ASTN2: variants seen among roughly 807,000 people sequenced by gnomAD.
ASTN2 encodes astrotactin-2.
Under a neutral mutation model 139.8 loss-of-function variants are expected in ASTN2, and 54 were observed. The observed-to-expected ratio is 0.39, with a 90% CI of 0.31 to 0.48. The LOEUF (loss-of-function observed/expected upper bound fraction) is 0.48, where lower values mean the gene tolerates loss of function less well. Ranked by LOEUF, ASTN2 falls within the 20% of genes least tolerant of loss-of-function variation. The pLI, the probability that ASTN2 is intolerant of heterozygous loss-of-function variation, is 0.95. For synonymous variants in ASTN2, 756 were observed against 719.5 expected, an observed-to-expected ratio of 1.05 and a Z score of -0.81; for missense variants, 1,565 against 1,725.1, an observed-to-expected ratio of 0.91 and a Z score of 1.64.
At chr9:117,146,068 G>A (rs1050446712) in intron 3 of ASTN2, among the ~76,000 whole-genome samples, 2 of 152,056 alleles carry the variant, frequency 1.3e-5, no homozygotes, top group Admixed American at 6.6e-5. Context: ...AGACTTAGAG[G>A]GGGAAGTGCT....
intron 1 of ASTN2, among the ~76,000 whole-genome samples, chr9:117,337,256 G>T (rs1014104599): frequency 6.6e-5 from 10 of 152,054 alleles, no homozygotes; most frequent in Non-Finnish European, 1.5e-5. Flanking sequence ...AATAGTCATG[G>T]GTTAAATGGC....
At chr9:117,159,157 T>C (rs952122033) in intron 3 of ASTN2, among the ~76,000 whole-genome samples, 1 of 152,056 alleles carries the variant, frequency 6.6e-6, no homozygotes, top group African/African-American at 2.4e-5. Context: ...AGTATTGTAT[T>C]AATAGTGCCA....
rs1014912733 is a variant in ASTN2 at position 117,295,879 on chromosome 9, T to C, written c.443-4366A>G. Among the ~76,000 whole-genome samples, 5 of 152,092 alleles carry C rather than the reference T, an allele frequency of 3.3e-5. No homozygotes were observed. The East Asian group carries it at 9.7e-4, about 29-fold the overall frequency. On this transcript the variant is annotated intron_variant, in intron 1 of 22. Transcript: ENST00000313400. ...AGGAGCATTGCAGAGGATGGACAGA[T>C]TCATGTCCCTCAGAGAGGAGGAGGA...
chr9:116,799,706 T>TG (rs71379228), intron 13 of ASTN2, among the ~76,000 whole-genome samples: 20,283 of 122,920 alleles, frequency 0.17, 1,671 homozygotes, highest in South Asian at 0.23. Context: ...GGTAAGAGAG[T>TG]GGGGGGGGGG....
intron 11 of ASTN2, among the ~76,000 whole-genome samples, chr9:116,854,306 T>C (rs1420111771): frequency 1.3e-5 from 2 of 152,214 alleles, no homozygotes; most frequent in African/African-American, 4.8e-5. Context: ...CTTAGGGCCA[T>C]GTTCTAGCCC....
At chr9:116,872,050 C>T (rs1234125504) in intron 10 of ASTN2, among the ~76,000 whole-genome samples, 12 of 152,012 alleles carry the variant, frequency 7.9e-5, no homozygotes, top group Non-Finnish European at 1.0e-4. Flanking sequence ...CTGCAACCTC[C>T]GCCTCCCAGT....
At chr9:116,456,604 T>C (rs997199195) in intron 20 of ASTN2, among the ~76,000 whole-genome samples, 1 of 152,144 alleles carries the variant, frequency 6.6e-6, no homozygotes, top group African/African-American at 2.4e-5. Flanking sequence ...GTGGAGCAAG[T>C]CACATCTTAC....
Position 117,226,846 on chromosome 9 carries a change from C to T in ASTN2, c.631-12104G>A, listed in dbSNP as rs145361912. Reference sequence around the variant, plus strand: ...CAGAATGAAGAGCCTTCATCCTTTGCTCAGTACATTATTCCCTGGGAATGT... The same window carrying T: ...CAGAATGAAGAGCCTTCATCCTTTGTTCAGTACATTATTCCCTGGGAATGT... On this transcript the variant is annotated intron_variant, in intron 2 of 22. Transcript: ENST00000313400. 4.7e-3 allele frequency among the ~76,000 whole-genome samples: 709 copies of T among 152,254 alleles called. 4 individuals carry two copies. Among genetic ancestry groups the T allele is most frequent in the Middle Eastern group, 0.01 (3 of 294 alleles).
intron 13 of ASTN2, among the ~76,000 whole-genome samples, chr9:116,774,522 C>G (rs139921006): frequency 1.3e-5 from 2 of 152,078 alleles, no homozygotes; most frequent in African/African-American, 4.8e-5. Context: ...TTGCATTATT[C>G]CATTTAATCC....
In ASTN2 at chr9:116,454,560, T is replaced by C. The variant is rs555503070; in HGVS notation, c.3498-12007A>G. ...ATCCCATTACATACCCAAATGATTATAAATCATGCTGCTATAAAGGCACAT... is the reference window on the plus strand; with the variant it reads ...ATCCCATTACATACCCAAATGATTACAAATCATGCTGCTATAAAGGCACAT... On this transcript the variant is annotated intron_variant, in intron 20 of 22. Coordinates refer to ENST00000313400, the MANE Select transcript of ASTN2 (RefSeq NM_001365068.1). Among the ~76,000 whole-genome samples the C allele has an allele frequency of 2.6e-5, 4 of 151,990 alleles. No individual in the cohort carries two copies. In the East Asian group the frequency reaches 7.7e-4, roughly 29 times the overall value.
At chr9:116,657,806 A>T (rs964706031) in intron 16 of ASTN2, among the ~76,000 whole-genome samples, 1 of 149,698 alleles carries the variant, frequency 6.7e-6, no homozygotes, top group Non-Finnish European at 1.5e-5. Context: ...CTGCCACTGC[A>T]TTCCAGCCTG....
At chr9:116,915,343 G>T (rs1834413193) in intron 10 of ASTN2, among the ~76,000 whole-genome samples, 1 of 152,186 alleles carries the variant, frequency 6.6e-6, no homozygotes, top group Admixed American at 6.5e-5. Context: ...GTTTACTCCT[G>T]AGGAGGTGTG....
chr9:116,973,980 G>C (rs912662159), intron 10 of ASTN2, among the ~76,000 whole-genome samples: 1 of 152,152 alleles, frequency 6.6e-6, no homozygotes, highest in African/African-American at 2.4e-5. Flanking sequence ...GGAGCTTTCT[G>C]TCAAGATGCC....
intron 1 of ASTN2, among the ~76,000 whole-genome samples, chr9:117,352,226 A>G (rs1325079324): frequency 1.3e-5 from 2 of 152,202 alleles, no homozygotes; most frequent in Non-Finnish European, 2.9e-5. Flanking sequence ...AACGCTATTC[A>G]AGGCCAAGTC....
chr9:117,358,697 G>A (rs1006695847), intron 1 of ASTN2, among the ~76,000 whole-genome samples: 6 of 152,108 alleles, frequency 3.9e-5, no homozygotes, highest in Non-Finnish European at 8.8e-5. Context: ...AGTCCCAAGA[G>A]CAGAGAAACG....
intron 19 of ASTN2, among the ~76,000 whole-genome samples, chr9:116,564,916 G>C (rs1853105249): frequency 6.6e-6 from 1 of 152,078 alleles, no homozygotes; most frequent in African/African-American, 2.4e-5. Context: ...TATGATGAGA[G>C]TTATCTCATC....
At chr9:116,586,170 A>C (rs1471222436) in intron 19 of ASTN2, 4 of 152,216 alleles carry the variant, frequency 2.6e-5, no homozygotes, top group Non-Finnish European at 5.9e-5. Flanking sequence ...GGCTGTACAG[A>C]AAGGGGAACA....
At chr9:116,969,303 C>T (rs558697848) in intron 10 of ASTN2, among the ~76,000 whole-genome samples, 1 of 152,184 alleles carries the variant, frequency 6.6e-6, no homozygotes, top group Non-Finnish European at 1.5e-5. Context: ...GGGCAAGGTA[C>T]ATAATCCTCT....
At chr9:116,832,340 C>T (rs182408266) in intron 11 of ASTN2, among the ~76,000 whole-genome samples, 125 of 151,956 alleles carry the variant, frequency 8.2e-4, no homozygotes, top group Admixed American at 6.1e-3. Context: ...TGCCTTCTTC[C>T]TTTTTTGATT....
Sources: allele counts gnomAD v4.1 joint callset (sites outside exome capture counted in the v4.1 genomes callset), GRCh38; gene constraint gnomAD v4.1.1; transcripts MANE v1.5; gene names NCBI Gene and HGNC (gene_info 2026-07-23, HGNC 2026-07-21).